Variants in RILPL1 observed in about 807,000 individuals in gnomAD.
The protein encoded by RILPL1 is RILP-like protein 1.
A neutral mutation model predicts 50.3 loss-of-function variants in RILPL1; 33 were observed. The ratio of observed to expected loss-of-function variants is 0.66; its 90% CI spans 0.50 to 0.88. The LOEUF (loss-of-function observed/expected upper bound fraction) is 0.88. Ranked by LOEUF, RILPL1 falls within the 40% of genes least tolerant of loss-of-function variation. The pLI, the probability that RILPL1 is intolerant of heterozygous loss-of-function variation, is 0.00. For missense variants in RILPL1, 418 were observed against 542.5 expected (o/e 0.77, Z 2.28); for synonymous variants, 205 against 228.6 (o/e 0.90, Z 0.93).
rs1298417487 is a variant in RILPL1 at position 123,498,968 on chromosome 12, G to A, written c.580-203C>T. Among the ~76,000 whole-genome samples the A allele has an allele frequency of 6.6e-6, 1 of 152,210 alleles. No individual in the cohort carries two copies. Among genetic ancestry groups the A allele is most frequent in the African/African-American group, 2.4e-5 (1 of 41,446 alleles). On this transcript the variant is annotated intron_variant, in intron 3 of 6. Coordinates refer to ENST00000376874, the MANE Select transcript of RILPL1 (RefSeq NM_178314.5). This position sits in a 1 kb window ranked among gnomAD's most constrained non-coding sequence, Gnocchi z 4.3. ...TGATAATTTTATGGCAGATGGAAGG[G>A]TGTCTTGCTAGAATTAATACATTAT...
At chr12:123,486,537 G>T (rs1192775791) in intron 4 of RILPL1, among the ~76,000 whole-genome samples, 9 of 152,204 alleles carry the variant, frequency 5.9e-5, no homozygotes, top group Non-Finnish European at 1.2e-4. Context: ...CCTTTTAAAA[G>T]TGAACAATTT....
intron 4 of RILPL1, among the ~76,000 whole-genome samples, chr12:123,495,312 C>T (rs1468602549): frequency 6.6e-6 from 1 of 152,062 alleles, no homozygotes. Context: ...CCAGCTGTAC[C>T]TGAAGCTACC....
At position 123,522,316 on chromosome 12, in the gene RILPL1, T is replaced by C. The variant is rs996246129; in HGVS notation, c.460+1179A>G. Among the ~76,000 whole-genome samples, 16 of 152,232 alleles carry C rather than the reference T, an allele frequency of 1.1e-4. 1 individual carries two copies. Among genetic ancestry groups the C allele is most frequent in the Admixed American group, 8.5e-4 (13 of 15,286 alleles). ...CGCCCACAGCCCCGCCTGGCCCGAA[T>C]CTTGCGGCCCATTTGTCCTTTTCCC... On this transcript the variant is annotated intron_variant, in intron 2 of 6. Transcript: ENST00000376874. This position sits in a 1 kb window ranked among gnomAD's most constrained non-coding sequence, Gnocchi z 4.0.
chr12:123,510,620 T>C (rs1884047680), intron 2 of RILPL1, among the ~76,000 whole-genome samples: 1 of 84,200 alleles, frequency 1.2e-5, no homozygotes, highest in Admixed American at 1.1e-4. Flanking sequence ...GTGTGTGTGG[T>C]ATATGTGTGT....
chr12:123,480,789 G>C (rs1370424914), intron 6 of RILPL1, among the ~76,000 whole-genome samples: 1 of 152,144 alleles, frequency 6.6e-6, no homozygotes, highest in East Asian at 1.9e-4. Context: ...CCCAACGTGA[G>C]GCTACCGTGG....
intron 6 of RILPL1, chr12:123,474,222 C>T (rs1357854801): frequency 6.6e-6 from 1 of 152,126 alleles, no homozygotes; most frequent in Non-Finnish European, 1.5e-5. Flanking sequence ...GCTTTGAGGT[C>T]ATGTAAACAA....
At chr12:123,507,311 C>G (rs1382062687) in intron 2 of RILPL1, among the ~76,000 whole-genome samples, 1 of 152,108 alleles carries the variant, frequency 6.6e-6, no homozygotes, top group Admixed American at 6.6e-5. Context: ...GCCTGTAATC[C>G]CAGCACTTTG....
At chr12:123,482,644 G>A (rs1455170212) in intron 6 of RILPL1, among the ~76,000 whole-genome samples, 4 of 149,154 alleles carry the variant, frequency 2.7e-5, no homozygotes, top group African/African-American at 9.9e-5. Flanking sequence ...TTCGAGACAG[G>A]GTTTCGCTCT....
chr12:123,495,103 G>A (rs1882943015), intron 4 of RILPL1, among the ~76,000 whole-genome samples: 1 of 152,152 alleles, frequency 6.6e-6, no homozygotes, highest in African/African-American at 2.4e-5. Context: ...TTCGGTGATA[G>A]GCCAATGAGG....
At chr12:123,524,370 A>G (rs1313400052) in intron 1 of RILPL1, among the ~76,000 whole-genome samples, 2 of 152,124 alleles carry the variant, frequency 1.3e-5, no homozygotes, top group Non-Finnish European at 2.9e-5. Flanking sequence ...TTTGGAAAAC[A>G]CTCTGGCAGT....
Position 123,533,212 on chromosome 12 carries a change from T to G in RILPL1, c.271A>C (p.Arg91=), listed in dbSNP as rs762942945. ...CGCTCCTTCTCGATGCGGTCCATCC[T>G]CTCCAGGCGCAGGCGGTCCAGCTCC... The part of the protein sequence containing the change: ...RLELDRLRLE[R]MDRIEKERKH... Residue 91 remains arginine (R), a synonymous_variant, in exon 1 of 7, where the codon AGG becomes CGG. Coordinates refer to ENST00000376874, the MANE Select transcript of RILPL1 (RefSeq NM_178314.5). The surrounding 1 kb of genome is among the most constrained non-coding windows in gnomAD (Gnocchi z 6.2). 1.3e-6 allele frequency: 2 copies of G among 1,587,940 alleles called. No individual in the cohort carries two copies. Among genetic ancestry groups the G allele is most frequent in the Non-Finnish European group, 1.7e-6 (2 of 1,173,404 alleles).
At chr12:123,497,797 C>T (rs376307470) in intron 4 of RILPL1, among the ~76,000 whole-genome samples, 1 of 152,072 alleles carries the variant, frequency 6.6e-6, no homozygotes, top group Admixed American at 6.5e-5. Context: ...TTCTTGATCC[C>T]CTTGCCTCAG....
chr12:123,530,572 G>T (rs1885410819), intron 1 of RILPL1, among the ~76,000 whole-genome samples: 1 of 152,174 alleles, frequency 6.6e-6, no homozygotes, highest in Non-Finnish European at 1.5e-5. Context: ...ATCTGTCATG[G>T]TCATTACTGT....
At chr12:123,483,617 C>T (rs971089727) in intron 6 of RILPL1, among the ~76,000 whole-genome samples, 8 of 152,186 alleles carry the variant, frequency 5.3e-5, no homozygotes, top group African/African-American at 1.4e-4. Context: ...CCAAGAACCA[C>T]TGAAGTAGCT....
chr12:123,518,869 T>C (rs1311917417), intron 2 of RILPL1, among the ~76,000 whole-genome samples: 3 of 151,788 alleles, frequency 2.0e-5, no homozygotes, highest in Non-Finnish European at 2.9e-5. Flanking sequence ...CCATACTGGC[T>C]AACACGGTGA....
intron 5 of RILPL1, among the ~76,000 whole-genome samples, chr12:123,484,496 C>T (rs1882201254): frequency 6.6e-6 from 1 of 152,044 alleles, no homozygotes; most frequent in Non-Finnish European, 1.5e-5. Flanking sequence ...TTTCTTCTAC[C>T]CAGAATATAC....
At chr12:123,505,910 C>A (rs368505051) in intron 2 of RILPL1, among the ~76,000 whole-genome samples, 2 of 152,230 alleles carry the variant, frequency 1.3e-5, no homozygotes, top group South Asian at 2.1e-4. Context: ...CAGGCATCAG[C>A]CACCACACCT....
intron 6 of RILPL1, 185 bp from the exon 7 acceptor site, chr12:123,472,867 T>G: frequency 1.6e-6 from 1 of 613,622 alleles, no homozygotes; most frequent in Non-Finnish European, 2.8e-6. Context: ...ATTCTGCGTG[T>G]CATTTGGACA....
chr12:123,529,360 C>T (rs1166712450), intron 1 of RILPL1, among the ~76,000 whole-genome samples: 1 of 152,066 alleles, frequency 6.6e-6, no homozygotes, highest in Non-Finnish European at 1.5e-5. Context: ...GATATGATCT[C>T]GGCTCAACGC....
Sources: gnomAD v4.1 joint callset for allele counts (sites outside exome capture counted in the v4.1 genomes callset) on GRCh38, gnomAD v4.1.1 for gene constraint, Gnocchi (gnomAD v3.1) non-coding constraint, MANE v1.5 for transcripts, NCBI Gene and HGNC (gene_info 2026-07-23, HGNC 2026-07-21) for gene names.